DAB1: variants seen among roughly 807,000 people sequenced by gnomAD.
DAB1 encodes DAB adaptor protein 1.
In DAB1, 15 loss-of-function variants were observed where a neutral mutation model predicts 64.6. The ratio of observed to expected loss-of-function variants is 0.23; its 90% confidence interval spans 0.16 to 0.36. The LOEUF (loss-of-function observed/expected upper bound fraction) is 0.36. Among genes scored for constraint, DAB1 ranks in the 10% least tolerant of loss-of-function variants. The pLI is 1.00. For synonymous variants in DAB1, 235 were observed against 251.9 expected (o/e 0.93, Z 0.64); for missense variants, 596 against 706.7 (o/e 0.84, Z 1.78).
intron 7 of DAB1, among the ~76,000 whole-genome samples, chr1:57,582,220 C>T (rs983082351): frequency 3.9e-5 from 6 of 152,178 alleles, no homozygotes; most frequent in African/African-American, 1.4e-4. Context: ...TTAATTGACT[C>T]ACAGTTCCAT....
chr1:57,408,594 T>G (rs1211993083), intron 1 of DAB1, among the ~76,000 whole-genome samples: 1 of 152,060 alleles, frequency 6.6e-6, no homozygotes, highest in Non-Finnish European at 1.5e-5. Context: ...CACCCAACAC[T>G]CACACAGCTT....
intron 1 of DAB1, among the ~76,000 whole-genome samples, chr1:57,332,345 A>T (rs1676741939): frequency 1.3e-5 from 2 of 150,542 alleles, no homozygotes; most frequent in Non-Finnish European, 3.0e-5. Flanking sequence ...ATAACCAAAC[A>T]CATGGATAGA....
chr1:58,516,543 C>A (rs960594158), intron 2 of DAB1, among the ~76,000 whole-genome samples: 1 of 152,180 alleles, frequency 6.6e-6, no homozygotes, highest in South Asian at 2.1e-4. Flanking sequence ...CGACAAATGC[C>A]TTCCAAATGA....
intron 2 of DAB1, among the ~76,000 whole-genome samples, chr1:57,189,316 A>G (rs1663904726): frequency 6.6e-6 from 1 of 152,136 alleles, no homozygotes; most frequent in African/African-American, 2.4e-5. Flanking sequence ...GTTTCCTTTC[A>G]ATCAAAGTTG....
chr1:57,787,612 AG>A (rs1185400487), intron 6 of DAB1, among the ~76,000 whole-genome samples: 1 of 152,118 alleles, frequency 6.6e-6, no homozygotes, highest in Non-Finnish European at 1.5e-5. Flanking sequence ...TTAGGCAAAA[AG>A]GTTTTTATAG....
chr1:58,529,551 A>G (rs1293204431), intron 1 of DAB1, among the ~76,000 whole-genome samples: 2 of 152,220 alleles, frequency 1.3e-5, no homozygotes, highest in Non-Finnish European at 2.9e-5. Context: ...TTTCAAAGCA[A>G]TGATATTTTA....
At chr1:57,151,360 T>C (rs1659652158) in intron 2 of DAB1, among the ~76,000 whole-genome samples, 1 of 152,148 alleles carries the variant, frequency 6.6e-6, no homozygotes. Context: ...AAACAAAACA[T>C]ATAAATATCC....
In DAB1 at chr1:58,207,282, G is replaced by A. The variant is rs773966719; in HGVS notation, n.310-56694C>T. 3.9e-5 allele frequency among the ~76,000 whole-genome samples: 6 copies of A among 152,170 alleles called. No homozygotes were observed. In the East Asian group the frequency reaches 5.8e-4, roughly 15 times the overall value. On this transcript the variant is annotated intron_variant and non_coding_transcript_variant, in intron 4 of 20. Transcript: ENST00000485760. ...TGCAGCAATAGCTAACTGGTACAGC[G>A]GTTTTCAAATGTAGTGAGGACGGAG...
chr1:57,508,358 G>C (rs1644369588), intron 7 of DAB1, among the ~76,000 whole-genome samples: 1 of 152,188 alleles, frequency 6.6e-6, no homozygotes, highest in African/African-American at 2.4e-5. Flanking sequence ...ACACACAAGA[G>C]ACGCTAAAAA....
chr1:57,796,811 G>C (rs1192593095), intron 6 of DAB1, among the ~76,000 whole-genome samples: 1 of 152,012 alleles, frequency 6.6e-6, no homozygotes, highest in Non-Finnish European at 1.5e-5. Context: ...CCTCAGCTTG[G>C]TCTGATCCTG....
chr1:58,148,077 T>C (rs2100727734), intron 5 of DAB1, among the ~76,000 whole-genome samples: 1 of 151,262 alleles, frequency 6.6e-6, no homozygotes, highest in South Asian at 2.1e-4. Context: ...CCAGGGAAAG[T>C]ATTGAGGAGT....
chr1:57,172,201 C>T (rs551766277), intron 2 of DAB1, among the ~76,000 whole-genome samples: 1 of 152,072 alleles, frequency 6.6e-6, no homozygotes, highest in South Asian at 2.1e-4. Flanking sequence ...TCACTATGAC[C>T]TCGTCTTAAC....
intron 3 of DAB1, among the ~76,000 whole-genome samples, chr1:58,393,338 A>T (rs1644492230): frequency 6.6e-6 from 1 of 152,214 alleles, no homozygotes; most frequent in Non-Finnish European, 1.5e-5. Context: ...TTGAGCAGAG[A>T]TGGAATGAAT....
downstream of DAB1, among the ~76,000 whole-genome samples, chr1:57,821,196 A>G (rs1652101883): frequency 6.6e-6 from 1 of 152,174 alleles, no homozygotes; most frequent in African/African-American, 2.4e-5. Context: ...GCCCCCAGAG[A>G]AAACCTCTCA....
At chr1:57,297,247 T>C (rs1290135216) in intron 1 of DAB1, among the ~76,000 whole-genome samples, 1 of 152,152 alleles carries the variant, frequency 6.6e-6, no homozygotes, top group African/African-American at 2.4e-5. Context: ...ATACAGGATA[T>C]TGTACTGGAG....
intron 5 of DAB1, among the ~76,000 whole-genome samples, chr1:57,944,090 C>T (rs1020897421): frequency 2.0e-5 from 3 of 152,172 alleles, no homozygotes; most frequent in Admixed American, 6.5e-5. Context: ...CAGTTTAAAG[C>T]TCATATTGAG....
intron 5 of DAB1, among the ~76,000 whole-genome samples, chr1:57,905,256 G>A (rs1644533752): frequency 6.6e-6 from 1 of 151,822 alleles, no homozygotes; most frequent in Non-Finnish European, 1.5e-5. Context: ...AATAAAGCGT[G>A]AAAGTCTTCC....
intron 11 of DAB1, among the ~76,000 whole-genome samples, chr1:57,016,873 C>T (rs932675902): frequency 6.6e-6 from 1 of 152,088 alleles, no homozygotes; most frequent in East Asian, 1.9e-4. Flanking sequence ...TCACGAAATC[C>T]CGGCAGGGTA....
At chr1:57,102,633 A>G (rs993389864) in intron 4 of DAB1, among the ~76,000 whole-genome samples, 2 of 152,190 alleles carry the variant, frequency 1.3e-5, no homozygotes, top group African/African-American at 4.8e-5. Flanking sequence ...TTCATCGAGA[A>G]GGCTTTTATC....
Sources: gnomAD v4.1 joint callset for allele counts (sites outside exome capture counted in the v4.1 genomes callset) on GRCh38, gnomAD v4.1.1 for gene constraint, MANE v1.5 for transcripts, NCBI Gene and HGNC (gene_info 2026-07-23, HGNC 2026-07-21) for gene names.